ZNF235: variants seen among roughly 807,000 people sequenced by gnomAD.
ZNF235 encodes zfp-93.
A neutral mutation model predicts 29.4 loss-of-function variants in ZNF235; 25 were observed. The observed-to-expected ratio is 0.85, with a 90% CI of 0.62 to 1.19. The LOEUF is 1.19. ZNF235 is among the 50% of genes most tolerant of loss of function. ZNF235 has a pLI of 0.00. For missense variants in ZNF235, 788 were observed against 885.0 expected, an observed-to-expected ratio of 0.89 and a Z score of 1.39; for synonymous variants, 300 against 295.3, an observed-to-expected ratio of 1.02 and a Z score of -0.16.
At chr19:44,301,217 A>G (rs1350552191) in intron 2 of ZNF235, among the ~76,000 whole-genome samples, 1 of 152,122 alleles carries the variant, frequency 6.6e-6, no homozygotes, top group Non-Finnish European at 1.5e-5. Flanking sequence ...CTTGTCTCAT[A>G]AAGTTTGTAT....
rs937555141 is a variant in ZNF235, at chr19:44,287,077, C to T, written c.*141G>A. The T allele has an allele frequency of 1.9e-5, 16 of 841,158 alleles. No individual in the cohort carries two copies. The highest frequency in any genetic ancestry group is 3.4e-5 in the African/African-American group (2 of 58,680). 52.1% of individuals were successfully genotyped at this position (841,158 alleles called of 1,614,324 possible). A position where few individuals can be genotyped will look rare whatever the true frequency, so the allele number is the denominator to read the frequency against. On this transcript the variant is annotated 3_prime_UTR_variant, in exon 5 of 5. Transcript: ENST00000291182. Reference sequence around the variant, plus strand: ...TCATGTCCTAACCAAGTCTAAAACACAGCATTTGAGAGACTTCTTTCCTGT... The same window carrying T: ...TCATGTCCTAACCAAGTCTAAAACATAGCATTTGAGAGACTTCTTTCCTGT...
At chr19:44,302,966 GTATATATGTATA>G (rs1975766504) in intron 2 of ZNF235, among the ~76,000 whole-genome samples, 1 of 98,070 alleles carries the variant, frequency 1.0e-5, no homozygotes, top group Non-Finnish European at 1.8e-5. Flanking sequence ...AAATATATAC[GTATATATGTATA>G]TATTTATATA....
chr19:44,289,404 G>C (rs1351786059), intron 4 of ZNF235: 1 of 534,084 alleles, frequency 1.9e-6, no homozygotes, highest in Non-Finnish European at 3.2e-6. Flanking sequence ...TAGAAAATTT[G>C]AGATCAGCCC....
chr19:44,291,835 A>G (rs1404548797), intron 4 of ZNF235, among the ~76,000 whole-genome samples: 2 of 152,180 alleles, frequency 1.3e-5, no homozygotes, highest in Non-Finnish European at 2.9e-5. Context: ...AGGAAGAAAC[A>G]ATACCAATGC....
rs1033838027 is a variant in ZNF235, at chr19:44,287,880, C to T, written c.1555G>A (p.Val519Met). 1.2e-5 allele frequency: 20 copies of T among 1,613,662 alleles called. No individual in the cohort carries two copies. The highest frequency in any genetic ancestry group is 2.2e-5 in the East Asian group (1 of 44,820). The change falls in exon 5 of 5, where the codon GTG becomes ATG. Residue 519 changes from valine (V) to methionine (M), a missense_variant. By Grantham distance (21) the Val-to-Met change is conservative. Coordinates refer to ENST00000291182, the MANE Select transcript of ZNF235 (RefSeq NM_004234.4). ...CTCTGACTGAAGCCTTTCCCACACA[C>T]GTTGCATCGAAATGGTTTCTCTCCT... ...HTGEKPFRCN[V>M]CGKGFSQSSY...
intron 2 of ZNF235, among the ~76,000 whole-genome samples, chr19:44,301,627 C>T (rs944314972): frequency 1.3e-5 from 2 of 152,232 alleles, no homozygotes; most frequent in African/African-American, 4.8e-5. Context: ...TGCGCCACCA[C>T]GCCCAGCTAA....
intron 4 of ZNF235, among the ~76,000 whole-genome samples, chr19:44,293,160 CAAAG>C (rs2123096190): frequency 6.6e-6 from 1 of 151,924 alleles, no homozygotes; most frequent in Admixed American, 6.5e-5. Flanking sequence ...AATAATTACA[CAAAG>C]AAAGAAGATA....
rs1975770822 is a variant in ZNF235 at position 44,302,999 on chromosome 19, CATATATACGTATATATTTATATAAA to C, written c.15+366_15+390del. Reference sequence around the variant, plus strand: ...GTATATATTTATATATAAATATATACATATATACGTATATATTTATATAAAATATACGTATATATTGTATACATTT... The same window carrying C: ...GTATATATTTATATATAAATATATACATATACGTATATATTGTATACATTT... On this transcript the variant is annotated intron_variant, in intron 2 of 4. Transcript: ENST00000291182. Among the ~76,000 whole-genome samples, 8 of 106,146 alleles carry C rather than the reference CATATATACGTATATATTTATATAAA, an allele frequency of 7.5e-5. No homozygotes were observed. The Admixed American group carries it at 8.2e-4, about 11-fold the overall frequency. The allele number at this position is 106,146 out of a possible 152,430, so 69.6% of individuals were successfully genotyped here.
At position 44,288,895 on chromosome 19, in the gene ZNF235, C is replaced by T. The variant is rs112686123; in HGVS notation, c.540G>A (p.Pro180=). ...ENQEFPTGKV[P]NSWSKIYLNE... is the part of the protein sequence containing the mutation. ...TCAGATATATTTTACTCCAAGAATT[C>T]GGAACTTTCCCAGTTGGAAATTCTT... Residue 180 remains proline (P), a synonymous_variant, in exon 5 of 5, where the codon CCG becomes CCA. Transcript: ENST00000291182. 35 of 1,613,942 alleles carry T rather than the reference C, an allele frequency of 2.2e-5. No homozygotes were observed. The highest frequency in any genetic ancestry group is 2.2e-4 in the Admixed American group (13 of 60,004).
chr19:44,289,552 C>T (rs1404569357), intron 4 of ZNF235: 1 of 168,554 alleles, frequency 5.9e-6, no homozygotes, highest in East Asian at 1.7e-4. Context: ...CCTTCGGTAT[C>T]AGGCTTTAGT....
At chr19:44,290,404 G>A (rs1229365525) in intron 4 of ZNF235, 1 of 152,338 alleles carries the variant, frequency 6.6e-6, no homozygotes, top group East Asian at 1.9e-4. Flanking sequence ...CTCCACAGAG[G>A]CTGGAATTAT....
chr19:44,298,717 A>C, intron 4 of ZNF235, 91 bp downstream of exon 4: 1 of 992,984 alleles, frequency 1.0e-6, no homozygotes, highest in South Asian at 1.6e-5. Flanking sequence ...TTTTTAAAAA[A>C]GTCTCTCAGG....
At chr19:44,301,233 G>A (rs1291076994) in intron 2 of ZNF235, among the ~76,000 whole-genome samples, 1 of 152,076 alleles carries the variant, frequency 6.6e-6, no homozygotes, top group Non-Finnish European at 1.5e-5. Flanking sequence ...TGTATATGGT[G>A]TTTTTCTGTA....
chr19:44,300,017 T>C (rs1310511791), intron 2 of ZNF235, among the ~76,000 whole-genome samples: 4 of 152,358 alleles, frequency 2.6e-5, no homozygotes, highest in Non-Finnish European at 5.9e-5. Context: ...TGTTTGATAG[T>C]ACTACCACTA....
intron 2 of ZNF235, 121 bp downstream of exon 2, chr19:44,303,269 G>T (rs1031500698): frequency 1.4e-5 from 12 of 846,350 alleles, no homozygotes; most frequent in Admixed American, 1.1e-4. Flanking sequence ...CAACAACCTG[G>T]CATATAACAA....
At chr19:44,296,058 G>T (rs1037321696) in intron 4 of ZNF235, among the ~76,000 whole-genome samples, 5 of 152,068 alleles carry the variant, frequency 3.3e-5, no homozygotes, top group Non-Finnish European at 7.4e-5. Context: ...AAATAACTTG[G>T]TAACAAAATA....
rs143676501 is a variant in ZNF235 at position 44,300,839 on chromosome 19, CA to C, written c.16-1108del. Among the ~76,000 whole-genome samples the C allele has an allele frequency of 1.0e-2, 957 of 95,800 alleles. 4 individuals carry two copies. Among genetic ancestry groups the C allele is most frequent in the African/African-American group, 0.038 (821 of 21,806 alleles). 62.8% of individuals were successfully genotyped at this position (95,800 alleles called of 152,430 possible). A position where few individuals can be genotyped will look rare whatever the true frequency, so the allele number is the denominator to read the frequency against. On this transcript the variant is annotated intron_variant, in intron 2 of 4. Transcript: ENST00000291182. ...TGAATGACAGAGCGAGACTCCGTCT[CA>C]AAAAAAAAAAAAAAAAAAAGGTAAG...
chr19:44,289,473 G>A (rs1287833909), intron 4 of ZNF235: 1 of 310,730 alleles, frequency 3.2e-6, no homozygotes, highest in African/African-American at 2.2e-5. Context: ...CTGCCTGTGT[G>A]TATTCTCCAG....
intron 1 of ZNF235, 72 bp downstream of exon 1, chr19:44,304,899 C>G (rs1975808945): frequency 2.0e-6 from 2 of 985,508 alleles, no homozygotes; most frequent in South Asian, 4.7e-5. Context: ...AAGCCAAGGA[C>G]GGGTTCATTG....
Sources: gnomAD v4.1 joint callset for allele counts (sites outside exome capture counted in the v4.1 genomes callset) on GRCh38, gnomAD v4.1.1 for gene constraint, MANE v1.5 for transcripts, NCBI Gene and HGNC (gene_info 2026-07-23, HGNC 2026-07-21) for gene names.